Variants in PDE8A observed in about 807,000 individuals in gnomAD.
PDE8A encodes phosphodiesterase 8A.
A neutral mutation model predicts 105.0 loss-of-function variants in PDE8A; 59 were observed. The ratio of observed to expected loss-of-function variants is 0.56; its 90% CI spans 0.46 to 0.70. PDE8A has a LOEUF of 0.70. Ranked by LOEUF, PDE8A falls within the 30% of genes least tolerant of loss-of-function variation. The pLI is 0.00. For synonymous variants in PDE8A, 355 were observed against 371.9 expected, an observed-to-expected ratio of 0.95 and a Z score of 0.52; for missense variants, 1,014 against 1,045.9, an observed-to-expected ratio of 0.97 and a Z score of 0.42.
chr15:85,101,291 A>G (rs1204089933), intron 11 of PDE8A, among the ~76,000 whole-genome samples: 3 of 152,200 alleles, frequency 2.0e-5, no homozygotes, highest in South Asian at 4.1e-4. Context: ...ACAAAGGAAC[A>G]CAGCAAGTGA....
chr15:85,098,907 T>TG (rs2081806941), intron 9 of PDE8A, among the ~76,000 whole-genome samples: 1 of 151,374 alleles, frequency 6.6e-6, no homozygotes, highest in Admixed American at 6.6e-5. Context: ...CAGTGAGCTA[T>TG]GATCATGCCA....
At chr15:85,009,084 A>G (rs1246717591) in intron 1 of PDE8A, among the ~76,000 whole-genome samples, 3 of 138,672 alleles carry the variant, frequency 2.2e-5, no homozygotes, top group Non-Finnish European at 4.6e-5. Flanking sequence ...CTGGTGTGTT[A>G]GTGTGTGAGA....
At chr15:85,130,183 T>C (rs1015735237) in intron 20 of PDE8A, among the ~76,000 whole-genome samples, 2 of 152,072 alleles carry the variant, frequency 1.3e-5, no homozygotes, top group Non-Finnish European at 2.9e-5. Flanking sequence ...ACCTGTAAAC[T>C]CAGAGCAAGA....
intron 1 of PDE8A, among the ~76,000 whole-genome samples, chr15:84,989,562 G>A (rs891953180): frequency 8.5e-5 from 13 of 152,212 alleles, no homozygotes; most frequent in Admixed American, 8.5e-4. Context: ...GCCAGAAGAT[G>A]TGTGTTTTGG....
intron 1 of PDE8A, among the ~76,000 whole-genome samples, chr15:85,037,312 G>A (rs554225720): frequency 6.6e-6 from 1 of 152,172 alleles, no homozygotes; most frequent in East Asian, 1.9e-4. Flanking sequence ...TGATCTGCCC[G>A]CCTCTGCCTC....
chr15:85,115,388 G>T, intron 14 of PDE8A, 51 bp from the exon 15 acceptor site: 1 of 1,252,030 alleles, frequency 8.0e-7, no homozygotes. Context: ...TTTCCAGGAA[G>T]GAAAGAATAG....
chr15:85,019,868 C>T (rs961244958), intron 1 of PDE8A, among the ~76,000 whole-genome samples: 1 of 151,638 alleles, frequency 6.6e-6, no homozygotes, highest in Non-Finnish European at 1.5e-5. Flanking sequence ...GCATATGAGC[C>T]ACTATGCGTG....
chr15:85,055,362 C>A (rs1411819926), intron 1 of PDE8A, among the ~76,000 whole-genome samples: 1 of 152,074 alleles, frequency 6.6e-6, no homozygotes, highest in Non-Finnish European at 1.5e-5. Flanking sequence ...TCCTGGATAT[C>A]CTTGTTAACT....
intron 1 of PDE8A, among the ~76,000 whole-genome samples, chr15:85,014,984 C>G (rs1303353578): frequency 6.6e-6 from 1 of 152,168 alleles, no homozygotes; most frequent in Non-Finnish European, 1.5e-5. Flanking sequence ...TTCTGTCTCT[C>G]TGAATTTACC....
chr15:85,113,492 T>A (rs1441326473), intron 13 of PDE8A, 45 bp downstream of exon 13: 2 of 1,471,018 alleles, frequency 1.4e-6, no homozygotes, highest in Non-Finnish European at 9.5e-7. Flanking sequence ...ACATACTCCT[T>A]GTTCTCCCCA....
chr15:85,027,861 C>A (rs2080544695), intron 1 of PDE8A, among the ~76,000 whole-genome samples: 1 of 152,050 alleles, frequency 6.6e-6, no homozygotes, highest in Non-Finnish European at 1.5e-5. Flanking sequence ...GATATGTATA[C>A]ATTTTAAAAA....
At chr15:85,047,779 G>A (rs1233558004) in intron 1 of PDE8A, among the ~76,000 whole-genome samples, 4 of 152,154 alleles carry the variant, frequency 2.6e-5, no homozygotes, top group African/African-American at 7.2e-5. Flanking sequence ...GTTTACCTAG[G>A]AGGGATGAGC....
chr15:85,029,366 G>A (rs1269806051), intron 1 of PDE8A, among the ~76,000 whole-genome samples: 1 of 148,804 alleles, frequency 6.7e-6, no homozygotes, highest in Non-Finnish European at 1.5e-5. Context: ...TTTCCCTTCT[G>A]CCATTGTATT....
chr15:85,089,222 A>G (rs1477116364), intron 6 of PDE8A, 116 bp from the exon 7 acceptor site: 10 of 659,554 alleles, frequency 1.5e-5, no homozygotes, highest in Non-Finnish European at 2.7e-5. Flanking sequence ...ATGTTTTAAA[A>G]TATTTTCTCC....
intron 1 of PDE8A, among the ~76,000 whole-genome samples, chr15:84,990,887 A>G (rs2079875595): frequency 6.6e-6 from 1 of 152,138 alleles, no homozygotes; most frequent in Admixed American, 6.5e-5. Context: ...CATCCTTCCC[A>G]TCATTTGGTG....
chr15:85,126,245 T>C lies in PDE8A; in HGVS notation c.2124T>C (p.Leu708=). The C allele has an allele frequency of 1.2e-6, 2 of 1,612,734 alleles. No homozygotes were observed. Among genetic ancestry groups the C allele is most frequent in the South Asian group, 1.1e-5 (1 of 90,812 alleles). ...DKNQEVINTM[L]RTPENRTLIK... is the part of the protein sequence containing the mutation. ...ACCAGGAAGTGATAAACACTATGCTTAGGACTCCAGAGAACCGGACCCTAA... is the reference window on the plus strand; with the variant it reads ...ACCAGGAAGTGATAAACACTATGCTCAGGACTCCAGAGAACCGGACCCTAA... The change falls in exon 20 of 22, where the codon CTT becomes CTC. Residue 708 remains leucine, a synonymous_variant. Coordinates refer to ENST00000394553, the MANE Select transcript of PDE8A (RefSeq NM_002605.3).
rs935467504 is a variant in PDE8A at position 85,123,562 on chromosome 15, A to G, written c.2085+369A>G. On this transcript the variant is annotated intron_variant, in intron 19 of 21. Transcript: ENST00000394553. ...AAATGTAGGCTGGGAGGCTAGGTCC[A>G]TCTCTCCTTTTCATGTTTTTCTGCC... Among the ~76,000 whole-genome samples, 3 of 152,230 alleles carry G rather than the reference A, an allele frequency of 2.0e-5. 1 individual carries two copies. Among genetic ancestry groups the G allele is most frequent in the Non-Finnish European group, 1.5e-5 (1 of 68,024 alleles).
At chr15:85,078,444 G>T (rs1394336214) in intron 5 of PDE8A, among the ~76,000 whole-genome samples, 3 of 150,856 alleles carry the variant, frequency 2.0e-5, no homozygotes, top group East Asian at 2.0e-4. Flanking sequence ...TACTTGGGAG[G>T]CTGAGGCAGG....
intron 2 of PDE8A, 127 bp downstream of exon 2, chr15:85,064,553 C>T: frequency 1.6e-6 from 1 of 643,468 alleles, no homozygotes; most frequent in Non-Finnish European, 2.8e-6. Flanking sequence ...ATGTTAAATT[C>T]CCTGAACTCT....
Sources: allele counts gnomAD v4.1 joint callset (sites outside exome capture counted in the v4.1 genomes callset), GRCh38; gene constraint gnomAD v4.1.1; transcripts MANE v1.5; gene names NCBI Gene and HGNC (gene_info 2026-07-23, HGNC 2026-07-21).